DPP10: variants seen among roughly 807,000 people sequenced by gnomAD.
DPP10 encodes inactive dipeptidyl peptidase 10.
In DPP10, 33 loss-of-function variants were observed where a neutral mutation model predicts 120.9. The observed-to-expected ratio is 0.27, with a 90% CI of 0.21 to 0.37. The LOEUF is 0.37. Among genes scored for constraint, DPP10 ranks in the 10% least tolerant of loss-of-function variants. The probability of loss-of-function intolerance (pLI) is 1.00; values close to 1 mark genes in which losing one functional copy is unlikely to be tolerated. For missense variants in DPP10, 816 were observed against 942.8 expected (o/e 0.87, Z 1.76); for synonymous variants, 337 against 326.1 (o/e 1.03, Z -0.36).
chr2:114,557,960 A>T (rs1467208524), intron 1 of DPP10, among the ~76,000 whole-genome samples: 1 of 152,102 alleles, frequency 6.6e-6, no homozygotes, highest in Non-Finnish European at 1.5e-5. Flanking sequence ...CTCCCTCTGT[A>T]TGTCCCTCAG....
At chr2:115,548,935 G>A (rs1375935915) in intron 5 of DPP10, among the ~76,000 whole-genome samples, 1 of 152,034 alleles carries the variant, frequency 6.6e-6, no homozygotes, top group Non-Finnish European at 1.5e-5. Flanking sequence ...TTCTCTTAAA[G>A]GTACTACTAC....
At chr2:115,804,422 C>T (rs1475489650) in intron 19 of DPP10, among the ~76,000 whole-genome samples, 2 of 152,344 alleles carry the variant, frequency 1.3e-5, no homozygotes, top group Non-Finnish European at 2.9e-5. Flanking sequence ...AACCCTTCCT[C>T]TCTCAACTTG....
At chr2:114,829,935 T>C (rs1686935197) in intron 1 of DPP10, among the ~76,000 whole-genome samples, 2 of 151,736 alleles carry the variant, frequency 1.3e-5, no homozygotes, top group Admixed American at 1.3e-4. Context: ...TCAAGTTGGG[T>C]TCAAGCTGCC....
intron 1 of DPP10, among the ~76,000 whole-genome samples, chr2:115,060,661 T>A (rs1706331047): frequency 6.6e-6 from 1 of 152,236 alleles, no homozygotes; most frequent in Admixed American, 6.5e-5. Context: ...TCTATACATC[T>A]TCAGCCTTTA....
rs548881937 is a variant in DPP10, at chr2:115,395,333, C to T, written c.271+51421C>T. On this transcript the variant is annotated intron_variant, in intron 3 of 25. Coordinates refer to ENST00000410059, the MANE Select transcript of DPP10 (RefSeq NM_020868.6). ...CCAGTCAGACTGGATTAATTTCCAC[C>T]CTAATGACCTAATTTTAACTTAATT... Among the ~76,000 whole-genome samples, 8 of 152,246 alleles carry T rather than the reference C, an allele frequency of 5.3e-5. No individual in the cohort carries two copies. The East Asian group carries it at 1.5e-3, about 29-fold the overall frequency.
At chr2:114,659,515 CTTCTAT>C (rs1697235365) in intron 1 of DPP10, among the ~76,000 whole-genome samples, 1 of 151,906 alleles carries the variant, frequency 6.6e-6, no homozygotes. Flanking sequence ...ATTAGGCCTA[CTTCTAT>C]TTTTTTTTTC....
chr2:115,048,096 A>G (rs754376762), intron 1 of DPP10, among the ~76,000 whole-genome samples: 30 of 152,112 alleles, frequency 2.0e-4, no homozygotes, highest in Non-Finnish European at 4.3e-4. Flanking sequence ...AGCATGTTTT[A>G]TGCTTTTGGA....
intron 5 of DPP10, among the ~76,000 whole-genome samples, chr2:115,633,158 A>T (rs1374720119): frequency 6.6e-6 from 1 of 152,220 alleles, no homozygotes; most frequent in Non-Finnish European, 1.5e-5. Flanking sequence ...ACTATTCACA[A>T]TAGCAAAGAC....
chr2:115,638,535 G>C (rs1394081941), intron 5 of DPP10, among the ~76,000 whole-genome samples: 1 of 152,244 alleles, frequency 6.6e-6, no homozygotes, highest in Non-Finnish European at 1.5e-5. Flanking sequence ...TCATGTAAAA[G>C]TTTTTTCACT....
chr2:115,297,549 T>G (rs1242637288), intron 1 of DPP10, among the ~76,000 whole-genome samples: 2 of 152,088 alleles, frequency 1.3e-5, no homozygotes, highest in East Asian at 1.9e-4. Context: ...GTTTGTTATA[T>G]TCATCTGTTT....
At chr2:114,916,091 A>C (rs1180471751) in intron 1 of DPP10, among the ~76,000 whole-genome samples, 1 of 152,166 alleles carries the variant, frequency 6.6e-6, no homozygotes, top group African/African-American at 2.4e-5. Context: ...TAGACTAATA[A>C]AGAAAAAAGA....
intron 1 of DPP10, among the ~76,000 whole-genome samples, chr2:114,819,202 C>CT (rs775159249): frequency 0.024 from 3,355 of 138,928 alleles, 42 homozygotes; most frequent in Middle Eastern, 0.036. Flanking sequence ...ACTTACTAAG[C>CT]TTTTTTTTTT....
At chr2:114,833,432 T>C (rs1389314240) in intron 1 of DPP10, 1 of 152,180 alleles carries the variant, frequency 6.6e-6, no homozygotes, top group East Asian at 1.9e-4. Context: ...AAATTATTTC[T>C]CTTGAATACA....
chr2:115,781,132 T>C, intron 16 of DPP10, 137 bp downstream of exon 16: 1 of 567,090 alleles, frequency 1.8e-6, no homozygotes, highest in Non-Finnish European at 2.8e-6. Context: ...ATATACATTA[T>C]ATATAGACTT....
At chr2:114,660,089 G>C (rs554020768) in intron 1 of DPP10, among the ~76,000 whole-genome samples, 58 of 152,312 alleles carry the variant, frequency 3.8e-4, no homozygotes, top group Admixed American at 3.7e-3. Context: ...CACAAAGAAA[G>C]ATGGTACAGG....
intron 1 of DPP10, among the ~76,000 whole-genome samples, chr2:114,445,918 T>G (rs1043906661): frequency 6.6e-6 from 1 of 152,156 alleles, no homozygotes; most frequent in Non-Finnish European, 1.5e-5. Context: ...AAATGCTGAA[T>G]GCAATTCACT....
chr2:115,708,921 A>C (rs2092223181), intron 7 of DPP10, among the ~76,000 whole-genome samples: 1 of 152,134 alleles, frequency 6.6e-6, no homozygotes, highest in Admixed American at 6.6e-5. Context: ...CACAATGAAA[A>C]GAACTTTGAC....
intron 3 of DPP10, among the ~76,000 whole-genome samples, chr2:115,351,668 CT>C (rs1413559353): frequency 2.0e-5 from 3 of 152,022 alleles, no homozygotes; most frequent in African/African-American, 7.2e-5. Flanking sequence ...GCTGACTTTT[CT>C]TTTCAGAGTT....
Position 114,879,918 on chromosome 2 carries a change from G to A in DPP10, c.61-429321G>A, listed in dbSNP as rs114446969. On this transcript the variant is annotated intron_variant, in intron 1 of 25. Coordinates refer to ENST00000410059, the MANE Select transcript of DPP10 (RefSeq NM_020868.6). Reference sequence around the variant, plus strand: ...AGGAGAACCTGCTCAGTAATTTAGAGAATTTAGCACTAATAAAGACTAAGA... The same window carrying A: ...AGGAGAACCTGCTCAGTAATTTAGAAAATTTAGCACTAATAAAGACTAAGA... 6.5e-3 allele frequency among the ~76,000 whole-genome samples: 985 copies of A among 152,230 alleles called. 15 individuals carry two copies. The highest frequency in any genetic ancestry group is 0.023 in the African/African-American group (945 of 41,548).
Sources: allele counts gnomAD v4.1 joint callset (sites outside exome capture counted in the v4.1 genomes callset), GRCh38; gene constraint gnomAD v4.1.1; transcripts MANE v1.5; gene names NCBI Gene and HGNC (gene_info 2026-07-23, HGNC 2026-07-21).